The following MCM9 variants were observed in gnomAD, a reference collection of about 807,000 sequenced individuals.
The protein encoded by MCM9 is DNA helicase MCM9.
A neutral mutation model predicts 72.8 loss-of-function variants in MCM9; 55 were observed. The observed-to-expected ratio is 0.76, with a 90% CI of 0.61 to 0.95. MCM9 has a LOEUF of 0.95. MCM9 is among the 40% of genes least tolerant of loss of function. The pLI, the probability that MCM9 is intolerant of heterozygous loss-of-function variation, is 0.00. For synonymous variants in MCM9, 480 were observed against 503.4 expected (o/e 0.95, Z 0.62); for missense variants, 1,279 against 1,377.0 (o/e 0.93, Z 1.13).
Position 118,904,497 on chromosome 6 carries a change from A to G in MCM9, c.1150+7153T>C, listed in dbSNP as rs968650718. Among the ~76,000 whole-genome samples, 4 of 152,304 alleles carry G rather than the reference A, an allele frequency of 2.6e-5. No individual in the cohort carries two copies. In the South Asian group the frequency reaches 8.3e-4, roughly 32 times the overall value. On this transcript the variant is annotated intron_variant, in intron 8 of 13. Transcript: ENST00000619706. Reference sequence around the variant, plus strand: ...CCAGAATGGCTGCCTCAGATGCCTCAGCCATCACTGCCTGTGTTCCCCAGT... The same window carrying G: ...CCAGAATGGCTGCCTCAGATGCCTCGGCCATCACTGCCTGTGTTCCCCAGT...
chr6:118,873,745 G>A (rs1219662743), intron 8 of MCM9, among the ~76,000 whole-genome samples: 1 of 152,134 alleles, frequency 6.6e-6, no homozygotes, highest in East Asian at 1.9e-4. Context: ...TCATAATACA[G>A]AGGCAGAGGG....
intron 9 of MCM9, among the ~76,000 whole-genome samples, chr6:118,855,424 C>T (rs1007203542): frequency 6.6e-6 from 1 of 152,128 alleles, no homozygotes; most frequent in Admixed American, 6.5e-5. Flanking sequence ...CATAGCAGGT[C>T]TTTAATGAGT....
intron 11 of MCM9, among the ~76,000 whole-genome samples, chr6:118,827,403 T>C (rs542982944): frequency 6.6e-6 from 1 of 152,310 alleles, no homozygotes; most frequent in East Asian, 1.9e-4. Flanking sequence ...TTTTTTTAGA[T>C]TTAAACAAAA....
At chr6:118,889,943 G>A (rs887318716) in intron 8 of MCM9, among the ~76,000 whole-genome samples, 3 of 152,210 alleles carry the variant, frequency 2.0e-5, no homozygotes. Flanking sequence ...GTGGAGCAGA[G>A]AAGGGGAGAG....
intron 13 of MCM9, among the ~76,000 whole-genome samples, chr6:118,820,069 C>T (rs1042060731): frequency 2.6e-5 from 4 of 152,148 alleles, no homozygotes; most frequent in African/African-American, 9.7e-5. Flanking sequence ...TTTCAAAAAA[C>T]CAGCTCCTGG....
At chr6:118,911,303 T>C (rs1780527803) in intron 8 of MCM9, 1 of 1,019,600 alleles carries the variant, frequency 9.8e-7, no homozygotes, top group Non-Finnish European at 1.2e-6. Context: ...ATCTATCTAC[T>C]TGGTAAAGTG....
In MCM9 at chr6:118,922,154, G is replaced by A. The variant is rs1399548712; in HGVS notation, c.622-68C>T. On this transcript the variant is annotated intron_variant, in intron 4 of 13. Coordinates refer to ENST00000619706, the MANE Select transcript of MCM9 (RefSeq NM_017696.3). ...ATGTTAAGTATCCAGAAGTCTAGCA[G>A]TACTTGAAATTACTATTTTTATTTC... is the stretch of plus-strand genomic sequence containing the variant. The A allele has an allele frequency of 2.6e-6, 3 of 1,173,512 alleles. No individual in the cohort carries two copies. In the East Asian group the frequency reaches 7.7e-5, roughly 30 times the overall value. The allele number at this position is 1,173,512 out of a possible 1,614,324, so 72.7% of individuals were successfully genotyped here.
intron 9 of MCM9, among the ~76,000 whole-genome samples, chr6:118,846,488 G>A (rs1775873820): frequency 6.6e-6 from 1 of 151,708 alleles, no homozygotes; most frequent in South Asian, 2.1e-4. Flanking sequence ...TTGAGAACAG[G>A]TTTCAGACCT....
chr6:118,917,698 C>A lies in MCM9; in HGVS notation c.767G>T (p.Arg256Leu), dbSNP rs769154294. ...QRWKPFQQDV[R>L]CEVEIVLKAN... ...TTTCAGGACTATCTCCACTTCACAGCGCACATCTTGCTGAAAGGGCTTCCA... is the reference window on the plus strand; with the variant it reads ...TTTCAGGACTATCTCCACTTCACAGAGCACATCTTGCTGAAAGGGCTTCCA... Residue 256 changes from arginine (R) to leucine (L), a missense_variant, in exon 6 of 14, where the codon CGC becomes CTC. By Grantham distance (102) the Arg-to-Leu change is moderately radical. Transcript: ENST00000619706. The A allele has an allele frequency of 7.4e-6, 12 of 1,614,004 alleles. No individual in the cohort carries two copies. In the South Asian group the frequency reaches 8.8e-5, roughly 12 times the overall value.
chr6:118,864,930 C>A (rs546978256), intron 8 of MCM9, among the ~76,000 whole-genome samples: 1 of 151,914 alleles, frequency 6.6e-6, no homozygotes, highest in Admixed American at 6.5e-5. Context: ...CTTCTGGTGG[C>A]TACATGCCTG....
At chr6:118,900,978 A>G (rs1285345516) in intron 8 of MCM9, 2 of 852,882 alleles carry the variant, frequency 2.3e-6, no homozygotes, top group Non-Finnish European at 3.9e-6. Flanking sequence ...CTTTTGGGTT[A>G]AAGAACTGCT....
intron 9 of MCM9, among the ~76,000 whole-genome samples, chr6:118,844,304 T>C (rs547302799): frequency 2.0e-5 from 3 of 151,900 alleles, no homozygotes; most frequent in Middle Eastern, 3.4e-3. Flanking sequence ...GATGAACTAC[T>C]GTGGAGGCTC....
intron 8 of MCM9, among the ~76,000 whole-genome samples, chr6:118,891,500 TTCTAAAGCC>T (rs1176526065): frequency 1.3e-5 from 2 of 152,210 alleles, no homozygotes; most frequent in Admixed American, 1.3e-4. Flanking sequence ...GTTTGGTTTA[TTCTAAAGCC>T]TCTTTGCTTG....
intron 8 of MCM9, among the ~76,000 whole-genome samples, chr6:118,877,711 T>C (rs749618066): frequency 5.3e-5 from 8 of 152,132 alleles, no homozygotes; most frequent in Non-Finnish European, 1.0e-4. Context: ...CATACAGAGA[T>C]TGTGACCATC....
intron 8 of MCM9, among the ~76,000 whole-genome samples, chr6:118,858,497 A>G (rs1206968024): frequency 6.6e-6 from 1 of 152,176 alleles, no homozygotes; most frequent in East Asian, 1.9e-4. Flanking sequence ...AAATCATGCT[A>G]GAGGTTCTAG....
chr6:118,913,660 C>T (rs765428118), intron 6 of MCM9, among the ~76,000 whole-genome samples: 2 of 152,170 alleles, frequency 1.3e-5, no homozygotes, highest in African/African-American at 4.8e-5. Context: ...AGTGCAGTGG[C>T]GTGATCATAG....
At position 118,899,690 on chromosome 6, in the gene MCM9, A is replaced by G. The variant is rs118061611; in HGVS notation, c.1150+11960T>C. Among the ~76,000 whole-genome samples the G allele has an allele frequency of 7.6e-3, 1,155 of 152,346 alleles. 8 individuals are homozygous for G. Among genetic ancestry groups the G allele is most frequent in the South Asian group, 0.029 (140 of 4,832 alleles). On this transcript the variant is annotated intron_variant, in intron 8 of 13. Coordinates refer to ENST00000619706, the MANE Select transcript of MCM9 (RefSeq NM_017696.3). ...TCAGTTGATTGTAGTTTACAATACA[A>G]TATAAATAAGCAGTACGTTACTATT...
At position 118,931,452 on chromosome 6, in the gene MCM9, G is replaced by C. The variant is rs985716205; in HGVS notation, c.272C>G (p.Ser91Cys). ...LQSLSQPEAV[S>C]MKQNLHARIS... is the part of the protein sequence containing the mutation. The stretch of plus-strand genomic sequence containing the variant: ...CCTGGCATGAAGATTCTGTTTCATG[G>C]AAACAGCCTCAGGCTGAGAAAGGGA... Residue 91 changes from serine to cysteine, a missense_variant, in exon 3 of 14, where the codon TCC (serine) becomes TGC (cysteine). Physicochemically the swap from Ser to Cys is moderately radical, Grantham distance 112. Coordinates refer to ENST00000619706, the MANE Select transcript of MCM9 (RefSeq NM_017696.3). 8 of 1,612,508 alleles carry C rather than the reference G, an allele frequency of 5.0e-6. No homozygotes were observed. Among genetic ancestry groups the C allele is most frequent in the African/African-American group, 4.0e-5 (3 of 74,862 alleles).
At chr6:118,922,496 T>C (rs1407638682) in intron 4 of MCM9, among the ~76,000 whole-genome samples, 2 of 152,256 alleles carry the variant, frequency 1.3e-5, no homozygotes, top group Admixed American at 6.5e-5. Flanking sequence ...CATGTGGACA[T>C]GCGCCTAATA....
Sources: gnomAD v4.1 joint callset for allele counts (sites outside exome capture counted in the v4.1 genomes callset) on GRCh38, gnomAD v4.1.1 for gene constraint, MANE v1.5 for transcripts, NCBI Gene and HGNC (gene_info 2026-07-23, HGNC 2026-07-21) for gene names.